The following ADAMTS16 variants were observed in gnomAD, a reference collection of about 807,000 sequenced individuals.
The protein encoded by ADAMTS16 is A disintegrin and metalloproteinase with thrombospondin motifs 16.
In ADAMTS16, 94 loss-of-function variants were observed where a neutral mutation model predicts 145.8. That is an observed-to-expected ratio of 0.64 (90% CI 0.55 to 0.77). The LOEUF is 0.77. Ranked by LOEUF, ADAMTS16 falls within the 30% of genes least tolerant of loss-of-function variation. The pLI, the probability that ADAMTS16 is intolerant of heterozygous loss-of-function variation, is 0.00. For synonymous variants in ADAMTS16, 659 were observed against 604.3 expected (o/e 1.09, Z -1.33); for missense variants, 1,585 against 1,591.5 (o/e 1.00, Z 0.07).
At chr5:5,202,592 T>C (rs1735991208) in intron 9 of ADAMTS16, among the ~76,000 whole-genome samples, 1 of 152,228 alleles carries the variant, frequency 6.6e-6, no homozygotes, top group African/African-American at 2.4e-5. Context: ...AGGAAGATTA[T>C]TCAGTTTAGG....
Position 5,253,409 on chromosome 5 carries a change from A to C in ADAMTS16, c.2663-9248A>C, listed in dbSNP as rs953293258. On this transcript the variant is annotated intron_variant, in intron 17 of 22. Coordinates refer to ENST00000274181, the MANE Select transcript of ADAMTS16 (RefSeq NM_139056.4). ...CCTTGATCAGCCTTCCACTGAATAC[A>C]CTATTTAGTCTGGCTCAGCACTTCT... Among the ~76,000 whole-genome samples the C allele has an allele frequency of 2.0e-5, 3 of 152,136 alleles. No individual in the cohort carries two copies. The East Asian group carries it at 5.8e-4, about 29-fold the overall frequency.
chr5:5,154,027 AT>A (rs5865593), intron 3 of ADAMTS16, among the ~76,000 whole-genome samples: 16,480 of 152,258 alleles, frequency 0.11, 1,024 homozygotes, highest in South Asian at 0.14. Flanking sequence ...AATTCTAGTC[AT>A]TGAGAGATTT....
At chr5:5,195,172 C>A (rs1579302530) in intron 8 of ADAMTS16, among the ~76,000 whole-genome samples, 1 of 147,236 alleles carries the variant, frequency 6.8e-6, no homozygotes. Context: ...GGAACCAGAA[C>A]TGAGATATGT....
Position 5,188,623 on chromosome 5 carries a change from T to C in ADAMTS16, c.1047+815T>C, listed in dbSNP as rs566750051. Reference sequence around the variant, plus strand: ...TGCTGACGTTTTCAGAGTCTCCTTTTAGCTACAGTTTTCTTATTTATAAAA... The same window carrying C: ...TGCTGACGTTTTCAGAGTCTCCTTTCAGCTACAGTTTTCTTATTTATAAAA... On this transcript the variant is annotated intron_variant, in intron 6 of 22. Coordinates refer to ENST00000274181, the MANE Select transcript of ADAMTS16 (RefSeq NM_139056.4). 3.9e-5 allele frequency among the ~76,000 whole-genome samples: 6 copies of C among 152,322 alleles called. No homozygotes were observed. In the East Asian group the frequency reaches 1.2e-3, roughly 29 times the overall value.
intron 16 of ADAMTS16, among the ~76,000 whole-genome samples, chr5:5,240,310 C>T (rs74941389): frequency 0.019 from 2,867 of 152,222 alleles, 97 homozygotes; most frequent in African/African-American, 0.066. Flanking sequence ...AGAGGAGAGC[C>T]CAGAGGTGAA....
intron 17 of ADAMTS16, among the ~76,000 whole-genome samples, chr5:5,247,786 A>T (rs1737497137): frequency 6.6e-6 from 1 of 152,244 alleles, no homozygotes; most frequent in Non-Finnish European, 1.5e-5. Context: ...CTGTCAGGGA[A>T]ATCAGCTAGT....
rs1205130682 is a variant in ADAMTS16, at chr5:5,186,204, C to T, written c.916C>T (p.His306Tyr). ...GGTCGACAAAAAGATGATGCAAAAC[C>T]ATGGCCATGAAAATATCACCACCTA... ...VVVDKKMMQNHGHENITTYVL... is the reference protein window; with the variant it reads ...VVVDKKMMQNYGHENITTYVL... The change falls in exon 5 of 23, where the codon CAT (histidine) becomes TAT (tyrosine). Residue 306 changes from histidine (H) to tyrosine (Y), a missense_variant. Physicochemically the swap from His to Tyr is moderately conservative, Grantham distance 83. Around this residue, in one of 3 missense-constraint regions of ADAMTS16, gnomAD observed 453 missense variants for 412.1 expected, o/e 1.10. Coordinates refer to ENST00000274181, the MANE Select transcript of ADAMTS16 (RefSeq NM_139056.4). The T allele has an allele frequency of 1.2e-6, 2 of 1,613,910 alleles. No individual in the cohort carries two copies. The highest frequency in any genetic ancestry group is 1.1e-5 in the South Asian group (1 of 91,076).
intron 3 of ADAMTS16, among the ~76,000 whole-genome samples, chr5:5,172,343 T>C (rs1735063895): frequency 6.6e-6 from 1 of 152,064 alleles, no homozygotes; most frequent in East Asian, 1.9e-4. Flanking sequence ...TTAGGTTGTT[T>C]ATTAGAAGTT....
intron 18 of ADAMTS16, among the ~76,000 whole-genome samples, chr5:5,290,094 A>T (rs1739250811): frequency 6.6e-6 from 1 of 152,228 alleles, no homozygotes; most frequent in African/African-American, 2.4e-5. Flanking sequence ...CTTCTCAGCG[A>T]TTTAGGAAAC....
In ADAMTS16 at chr5:5,182,078, T is replaced by C. The variant is rs1276029266; in HGVS notation, c.536T>C (p.Phe179Ser). The change falls in exon 4 of 23, where the codon TTC becomes TCC. Residue 179 changes from phenylalanine to serine, a missense_variant. Phe to Ser is a radical substitution (Grantham distance 155, BLOSUM62 -2). Coordinates refer to ENST00000274181, the MANE Select transcript of ADAMTS16 (RefSeq NM_139056.4). ...GMIRTEEADY[F>S]LRPLPSHLSW... ...ATACGAACAGAAGAGGCAGATTACT[T>C]CCTAAGGCCACTTCCTTCACACCTC... is the stretch of plus-strand genomic sequence containing the variant. 2 of 1,613,454 alleles carry C rather than the reference T, an allele frequency of 1.2e-6. No individual in the cohort carries two copies. The highest frequency in any genetic ancestry group is 8.5e-7 in the Non-Finnish European group (1 of 1,179,836).
intron 3 of ADAMTS16, among the ~76,000 whole-genome samples, chr5:5,165,197 C>A (rs79179619): frequency 1.3e-5 from 2 of 152,162 alleles, no homozygotes; most frequent in East Asian, 3.9e-4. Context: ...AATGGAATCA[C>A]ACAACACTGG....
chr5:5,187,533 G>T (rs923057621), intron 5 of ADAMTS16, among the ~76,000 whole-genome samples, 192 bp from the exon 6 acceptor site: 1 of 152,212 alleles, frequency 6.6e-6, no homozygotes, highest in African/African-American at 2.4e-5. Context: ...GACCGTAAGA[G>T]GTGGACCCCA....
chr5:5,277,473 T>C (rs1368088047), intron 18 of ADAMTS16, among the ~76,000 whole-genome samples: 1 of 152,150 alleles, frequency 6.6e-6, no homozygotes, highest in African/African-American at 2.4e-5. Context: ...TTTGAAATGA[T>C]TGCAGTCATC....
chr5:5,179,281 C>A (rs1336802796), intron 3 of ADAMTS16, among the ~76,000 whole-genome samples: 1 of 151,760 alleles, frequency 6.6e-6, no homozygotes, highest in African/African-American at 2.4e-5. Flanking sequence ...CCGCTGCAAC[C>A]TGCAGGGGAG....
chr5:5,268,121 C>T (rs1016619247), intron 18 of ADAMTS16, among the ~76,000 whole-genome samples: 3 of 152,180 alleles, frequency 2.0e-5, no homozygotes, highest in African/African-American at 7.2e-5. Flanking sequence ...AGATTATAAG[C>T]TCTGTGACCC....
chr5:5,162,741 AGAG>A (rs1219531050), intron 3 of ADAMTS16, among the ~76,000 whole-genome samples: 3 of 119,044 alleles, frequency 2.5e-5, no homozygotes, highest in African/African-American at 1.0e-4. Context: ...AAAGAGAGAG[AGAG>A]GAGAAGAGAA....
rs1192909940 is a variant in ADAMTS16 at position 5,187,785 on chromosome 5, C to T, written c.1024C>T (p.Leu342=). The T allele has an allele frequency of 6.2e-7, 1 of 1,608,644 alleles. No individual in the cohort carries two copies. The highest frequency in any genetic ancestry group is 1.3e-5 in the African/African-American group (1 of 74,810). Residue 342 remains leucine (L), a synonymous_variant, in exon 6 of 23, where the codon CTG becomes TTG. Transcript: ENST00000274181. Reference sequence around the variant, plus strand: ...AAACATCAACATTGCAATTGTAGGTCTGATTCTTCTAGAAGATGAACAGGT... The same window carrying T: ...AAACATCAACATTGCAATTGTAGGTTTGATTCTTCTAGAAGATGAACAGGT... ...GGNINIAIVG[L]ILLEDEQPGL... is the part of the protein sequence containing the mutation.
chr5:5,144,427 TA>T (rs1342205625), intron 2 of ADAMTS16, among the ~76,000 whole-genome samples: 3 of 152,248 alleles, frequency 2.0e-5, no homozygotes, highest in African/African-American at 7.2e-5. Flanking sequence ...TTTTAGAGTA[TA>T]TTTTTACAAG....
chr5:5,299,921 G>A (rs1177339490), intron 18 of ADAMTS16, among the ~76,000 whole-genome samples: 9 of 152,324 alleles, frequency 5.9e-5, no homozygotes, highest in South Asian at 4.1e-4. Flanking sequence ...AGAAGCTTGC[G>A]TGGATTTTGA....
Sources: gnomAD v4.1 joint callset for allele counts (sites outside exome capture counted in the v4.1 genomes callset) on GRCh38, gnomAD v4.1.1 for gene constraint, gnomAD v4.1.1 regional missense constraint, MANE v1.5 for transcripts, NCBI Gene and HGNC (gene_info 2026-07-23, HGNC 2026-07-21) for gene names.